DENND3: variants seen among roughly 807,000 people sequenced by gnomAD.
DENND3 encodes DENN domain-containing protein 3.
In DENND3, 88 loss-of-function variants were observed where a neutral mutation model predicts 135.1. The ratio of observed to expected loss-of-function variants is 0.65; its 90% confidence interval spans 0.55 to 0.78. The LOEUF (loss-of-function observed/expected upper bound fraction) is 0.78, where lower values mean the gene tolerates loss of function less well. Among genes scored for constraint, DENND3 ranks in the 30% least tolerant of loss-of-function variants. The pLI is 0.00. For synonymous variants in DENND3, 693 were observed against 712.3 expected, an observed-to-expected ratio of 0.97 and a Z score of 0.43; for missense variants, 1,392 against 1,688.4, an observed-to-expected ratio of 0.82 and a Z score of 3.08.
At position 141,154,843 on chromosome 8, in the gene DENND3, A is replaced by G. The variant is rs1164413770; in HGVS notation, c.1075-1006A>G. 6.6e-6 allele frequency among the ~76,000 whole-genome samples: 1 copy of G among 152,226 alleles called. No homozygotes were observed. The highest frequency in any genetic ancestry group is 2.4e-5 in the African/African-American group (1 of 41,452). ...CTCCCAAAGTGTTGGGATTACAGGC[A>G]TGAGCCACTGCACCCAGCCTGTGTT... On this transcript the variant is annotated intron_variant, in intron 7 of 22. Transcript: ENST00000519811. The surrounding 1 kb of genome is among the most constrained non-coding windows in gnomAD (Gnocchi z 4.4).
chr8:141,188,848 C>A, intron 18 of DENND3, 138 bp from the exon 19 acceptor site: 1 of 1,184,056 alleles, frequency 8.4e-7, no homozygotes, highest in Non-Finnish European at 1.2e-6. Flanking sequence ...CAGAGGCTCC[C>A]AGGACCCTGA....
At chr8:141,179,142 G>C (rs1206971741) in intron 16 of DENND3, among the ~76,000 whole-genome samples, 1 of 152,234 alleles carries the variant, frequency 6.6e-6, no homozygotes, top group Non-Finnish European at 1.5e-5. Context: ...CAGGACCTCT[G>C]CCACTTTCTG....
chr8:141,160,854 C>G, intron 9 of DENND3, 67 bp downstream of exon 9: 1 of 1,541,978 alleles, frequency 6.5e-7, no homozygotes, highest in Non-Finnish European at 8.8e-7. Flanking sequence ...CTATGGGGAT[C>G]GTGCACCCCG....
At chr8:141,151,450 GC>G (rs1818786246) in intron 6 of DENND3, among the ~76,000 whole-genome samples, 168 bp from the exon 7 acceptor site, 3 of 146,630 alleles carry the variant, frequency 2.0e-5, no homozygotes, top group East Asian at 2.6e-4. Context: ...GGTCCCATCT[GC>G]TTGGGAGGCC....
intron 18 of DENND3, among the ~76,000 whole-genome samples, chr8:141,186,125 A>C (rs1823860486): frequency 6.6e-6 from 1 of 151,770 alleles, no homozygotes; most frequent in African/African-American, 2.4e-5. Flanking sequence ...TTTTGTAGAG[A>C]TGAGGTTTTG....
chr8:141,191,038 T>C (rs928736320), intron 20 of DENND3, among the ~76,000 whole-genome samples: 4 of 152,276 alleles, frequency 2.6e-5, no homozygotes, highest in African/African-American at 9.6e-5. Flanking sequence ...TGTTTTCTTT[T>C]TTGTAATGGA....
chr8:141,176,313 G>C lies in DENND3; in HGVS notation c.2536-278G>C. The C allele has an allele frequency of 6.2e-6, 2 of 321,494 alleles. 1 individual carries two copies. The highest frequency in any genetic ancestry group is 1.7e-4 in the South Asian group (2 of 11,712). 19.9% of individuals were successfully genotyped at this position (321,494 alleles called of 1,614,324 possible). A position where few individuals can be genotyped will look rare whatever the true frequency, so the allele number is the denominator to read the frequency against. On this transcript the variant is annotated intron_variant, in intron 14 of 22. Transcript: ENST00000519811. ...AAAAAAAAAAAAACAAAAAGAGGGA[G>C]AGAGAAGTATTTAAGGATGTGAAAG...
chr8:141,192,905 A>G (rs1391118175), intron 22 of DENND3: 1 of 1,471,250 alleles, frequency 6.8e-7, no homozygotes, highest in Non-Finnish European at 9.1e-7. Context: ...ATGGCTTCAA[A>G]TGACAGAACT....
At chr8:141,150,713 C>T in intron 5 of DENND3, 121 bp from the exon 6 acceptor site, 1 of 1,273,500 alleles carries the variant, frequency 7.9e-7, no homozygotes, top group Non-Finnish European at 1.1e-6. Flanking sequence ...ACGTGGCAGC[C>T]TGTGTCTTCA....
chr8:141,182,324 A>C lies in DENND3; in HGVS notation c.2944+1470A>C. The C allele has an allele frequency of 1.0e-6, 1 of 985,354 alleles. No homozygotes were observed. Among genetic ancestry groups the C allele is most frequent in the Non-Finnish European group, 1.2e-6 (1 of 829,932 alleles). The allele number at this position is 985,354 out of a possible 1,614,324, so 61.0% of individuals were successfully genotyped here. A position where few individuals can be genotyped will look rare whatever the true frequency, so the allele number is the denominator to read the frequency against. On this transcript the variant is annotated intron_variant, in intron 17 of 22. Coordinates refer to ENST00000519811, the MANE Select transcript of DENND3 (RefSeq NM_001352890.3). The surrounding 1 kb of genome is among the most constrained non-coding windows in gnomAD (Gnocchi z 5.9). ...AGTTTTTCTCTCTTCATGGCAGGCCAAGAAACCCAGGAACGCGATAGACCC... is the reference window on the plus strand; with the variant it reads ...AGTTTTTCTCTCTTCATGGCAGGCCCAGAAACCCAGGAACGCGATAGACCC...
intron 8 of DENND3, among the ~76,000 whole-genome samples, chr8:141,157,103 C>A (rs889850425): frequency 1.3e-5 from 2 of 152,036 alleles, no homozygotes; most frequent in African/African-American, 4.8e-5. Flanking sequence ...TTTTTCACAC[C>A]GTTTTATAGT....
intron 4 of DENND3, chr8:141,142,305 G>A (rs1212277616): frequency 4.5e-6 from 2 of 447,672 alleles, no homozygotes; most frequent in Non-Finnish European, 8.9e-6. Context: ...TAAAGGCCGA[G>A]GAGAAAGCAG....
intron 8 of DENND3, among the ~76,000 whole-genome samples, chr8:141,158,948 G>T (rs1819790105): frequency 6.6e-6 from 1 of 152,222 alleles, no homozygotes; most frequent in Non-Finnish European, 1.5e-5. Context: ...GCCACTCCAG[G>T]TGGCATCATA....
At position 141,167,081 on chromosome 8, in the gene DENND3, C is replaced by T. The variant is rs572796151; in HGVS notation, c.1753+692C>T. On this transcript the variant is annotated intron_variant, in intron 12 of 22. Transcript: ENST00000519811. The surrounding 1 kb of genome is among the most constrained non-coding windows in gnomAD (Gnocchi z 4.1). ...GACCCCAGGAGCTGCACGAGTGACACCTTGATGACCCCGAGGGCTATGGTC... is the reference window on the plus strand; with the variant it reads ...GACCCCAGGAGCTGCACGAGTGACATCTTGATGACCCCGAGGGCTATGGTC... Among the ~76,000 whole-genome samples the T allele has an allele frequency of 5.9e-5, 9 of 152,316 alleles. No individual in the cohort carries two copies. In the South Asian group the frequency reaches 1.5e-3, roughly 25 times the overall value.
At chr8:141,185,440 A>C (rs1823772402) in intron 18 of DENND3, 162 bp downstream of exon 18, 1 of 903,554 alleles carries the variant, frequency 1.1e-6, no homozygotes, top group Admixed American at 2.9e-5. Context: ...TTTCAAATTA[A>C]ATGTAAGCTT....
chr8:141,175,271 G>A lies in DENND3; in HGVS notation c.2347G>A (p.Ala783Thr), dbSNP rs140688536. 1.9e-4 allele frequency: 299 copies of A among 1,614,104 alleles called. No individual in the cohort carries two copies. Among genetic ancestry groups the A allele is most frequent in the Non-Finnish European group, 2.4e-4 (278 of 1,180,042 alleles). Residue 783 changes from alanine to threonine, a missense_variant, in exon 14 of 23, where the codon GCC becomes ACC. By Grantham distance (58) the Ala-to-Thr change is moderately conservative (BLOSUM62 0). Coordinates refer to ENST00000519811, the MANE Select transcript of DENND3 (RefSeq NM_001352890.3). The surrounding 1 kb of genome is among the most constrained non-coding windows in gnomAD (Gnocchi z 5.4). ...CTGCTGGAAGGAGACGGAAGCAGAAGCCCAGGAGGTCAGTCTGCCGTGGCT... is the reference window on the plus strand; with the variant it reads ...CTGCTGGAAGGAGACGGAAGCAGAAACCCAGGAGGTCAGTCTGCCGTGGCT... ...YNCWKETEAEAQEVSLPWLVM... is the reference protein window; with the variant it reads ...YNCWKETEAETQEVSLPWLVM...
At chr8:141,180,192 G>A (rs1344485158) in intron 16 of DENND3, among the ~76,000 whole-genome samples, 1 of 152,228 alleles carries the variant, frequency 6.6e-6, no homozygotes, top group Non-Finnish European at 1.5e-5. Context: ...CTGTGGTTGT[G>A]TGTGAGGTGC....
intron 18 of DENND3, 72 bp from the exon 19 acceptor site, chr8:141,188,914 T>C: frequency 6.5e-7 from 1 of 1,549,364 alleles, no homozygotes; most frequent in South Asian, 1.2e-5. Context: ...GCACGTGCAG[T>C]AAATGTATAG....
In DENND3 at chr8:141,176,696, T is replaced by C. The variant is rs1822416492; in HGVS notation, c.2641T>C (p.Cys881Arg). The change falls in exon 15 of 23, where the codon TGT becomes CGT. Residue 881 changes from cysteine (C) to arginine (R), a missense_variant. By Grantham distance (180) the Cys-to-Arg change is radical. Coordinates refer to ENST00000519811, the MANE Select transcript of DENND3 (RefSeq NM_001352890.3). ...CTTCGAAGCCAACCTGAAAACCGAG[T>C]GTGACCTTTGGCACCTGATGGTGAA... Reference protein sequence around the residue: ...EVFEANLKTECDLWHLMVKEM... With the variant: ...EVFEANLKTERDLWHLMVKEM... 2 of 1,614,040 alleles carry C rather than the reference T, an allele frequency of 1.2e-6. No homozygotes were observed. Among genetic ancestry groups the C allele is most frequent in the South Asian group, 2.2e-5 (2 of 91,074 alleles).
Sources: gnomAD v4.1 joint callset for allele counts (sites outside exome capture counted in the v4.1 genomes callset) on GRCh38, gnomAD v4.1.1 for gene constraint, Gnocchi (gnomAD v3.1) non-coding constraint, MANE v1.5 for transcripts, NCBI Gene and HGNC (gene_info 2026-07-23, HGNC 2026-07-21) for gene names.